The following CFAP300 variants were observed in gnomAD, a reference collection of about 807,000 sequenced individuals.
CFAP300 encodes the protein cilia and flagella associated protein 300.
CFAP300 carries 32 observed loss-of-function variants against 33.0 expected under a neutral mutation model. The ratio of observed to expected loss-of-function variants is 0.97; its 90% confidence interval spans 0.73 to 1.30. The LOEUF (loss-of-function observed/expected upper bound fraction) is 1.30. CFAP300 is among the 50% of genes most tolerant of loss of function. The pLI, the probability that CFAP300 is intolerant of heterozygous loss-of-function variation, is 0.00. For missense variants in CFAP300, 356 were observed against 318.1 expected, an observed-to-expected ratio of 1.12 and a Z score of -0.90; for synonymous variants, 102 against 106.8, an observed-to-expected ratio of 0.95 and a Z score of 0.28.
intron 3 of CFAP300, among the ~76,000 whole-genome samples, chr11:102,064,192 A>T (rs1336903939): frequency 6.6e-6 from 1 of 152,092 alleles, no homozygotes; most frequent in Non-Finnish European, 1.5e-5. Context: ...AAGTGGTTTG[A>T]ACTTAATCAT....
chr11:102,071,365 GTGT>G lies in CFAP300; in HGVS notation c.436-4497_436-4495del, dbSNP rs1246517026. Among the ~76,000 whole-genome samples, 8 of 152,118 alleles carry G rather than the reference GTGT, an allele frequency of 5.3e-5. No homozygotes were observed. In the East Asian group the frequency reaches 7.7e-4, roughly 15 times the overall value. ...GGCAACATATAGTTAGTTGGATCAT[GTGT>G]TGTTGTTGTTTTTTAATCCACTCAG... On this transcript the variant is annotated intron_variant, in intron 4 of 6. Coordinates refer to ENST00000434758, the MANE Select transcript of CFAP300 (RefSeq NM_032930.3).
intron 2 of CFAP300, among the ~76,000 whole-genome samples, chr11:102,055,436 A>G (rs1942038898): frequency 7.2e-6 from 1 of 139,052 alleles, no homozygotes; most frequent in Non-Finnish European, 1.5e-5. Context: ...AGCTCACTGC[A>G]ACCTCCACTC....
At chr11:102,067,617 A>T (rs1261257500) in intron 4 of CFAP300, among the ~76,000 whole-genome samples, 1 of 152,258 alleles carries the variant, frequency 6.6e-6, no homozygotes, top group Admixed American at 6.5e-5. Flanking sequence ...GAAAGTGCCC[A>T]TTCTACCTTC....
chr11:102,079,806 G>A (rs73593086), intron 5 of CFAP300, among the ~76,000 whole-genome samples: 1,848 of 152,306 alleles, frequency 0.012, 40 homozygotes, highest in African/African-American at 0.042. Flanking sequence ...ATGAGCAGCT[G>A]AGGTGTAACA....
intron 6 of CFAP300, among the ~76,000 whole-genome samples, chr11:102,082,364 G>C (rs528417871): frequency 1.4e-3 from 206 of 150,792 alleles, no homozygotes; most frequent in Middle Eastern, 6.8e-3. Flanking sequence ...GGGCAAAAGA[G>C]TAAGACTCCA....
chr11:102,065,508 T>C (rs1426221831), intron 3 of CFAP300, among the ~76,000 whole-genome samples: 1 of 152,082 alleles, frequency 6.6e-6, no homozygotes, highest in Non-Finnish European at 1.5e-5. Flanking sequence ...TGCTCATGCC[T>C]GCAATTCCAG....
In CFAP300 at chr11:102,081,219, C is replaced by G; in HGVS notation, c.613C>G (p.Arg205Gly). ...KLIYKDLVSV[R>G]KNPQTKKIQI... ...ACCTTTTCTTCCTTTTTTTAGTGTT[C>G]GAAAGAATCCTCAAACCAAGAAAAT... The change falls in exon 6 of 7, where the codon CGA (arginine) becomes GGA (glycine). Residue 205 changes from arginine (R) to glycine (G), a missense_variant. Transcript: ENST00000434758. 6.2e-7 allele frequency: 1 copy of G among 1,604,530 alleles called. No homozygotes were observed. Among genetic ancestry groups the G allele is most frequent in the Non-Finnish European group, 8.5e-7 (1 of 1,177,328 alleles).
chr11:102,074,396 TC>T (rs1942366568), intron 4 of CFAP300, among the ~76,000 whole-genome samples: 1 of 152,182 alleles, frequency 6.6e-6, no homozygotes. Flanking sequence ...CTTACCATTT[TC>T]CTGCATTGGG....
intron 2 of CFAP300, among the ~76,000 whole-genome samples, chr11:102,051,395 C>T (rs141124908): frequency 5.3e-5 from 8 of 152,252 alleles, no homozygotes; most frequent in South Asian, 4.1e-4. Flanking sequence ...GCCTGCGCAA[C>T]GCTTCTGCTT....
rs1941902497 is a variant in CFAP300 at position 102,047,651 on chromosome 11, C to T, written c.110+71C>T. 7 of 1,485,804 alleles carry T rather than the reference C, an allele frequency of 4.7e-6. No homozygotes were observed. The South Asian group carries it at 7.3e-5, about 16-fold the overall frequency. 92.0% of individuals were successfully genotyped at this position (1,485,804 alleles called of 1,614,324 possible). On this transcript the variant is annotated intron_variant, in intron 1 of 6. Coordinates refer to ENST00000434758, the MANE Select transcript of CFAP300 (RefSeq NM_032930.3). ...GGCTGTGGAGGCGCAGGCCGGGCGTCGAGGGGCCCGCGCGGGTCGGCGCCA... is the reference window on the plus strand; with the variant it reads ...GGCTGTGGAGGCGCAGGCCGGGCGTTGAGGGGCCCGCGCGGGTCGGCGCCA...
At chr11:102,049,257 T>G (rs778727843) in intron 2 of CFAP300, among the ~76,000 whole-genome samples, 3 of 152,208 alleles carry the variant, frequency 2.0e-5, no homozygotes, top group Non-Finnish European at 4.4e-5. Flanking sequence ...CACCCTCCCT[T>G]GGCGTCCTTT....
intron 4 of CFAP300, among the ~76,000 whole-genome samples, chr11:102,073,756 CA>C (rs1942352885): frequency 6.6e-6 from 1 of 152,058 alleles, no homozygotes; most frequent in East Asian, 1.9e-4. Context: ...GTGGCAGCAA[CA>C]GTAGGGAGAG....
chr11:102,076,288 C>T (rs1015046911), intron 5 of CFAP300, among the ~76,000 whole-genome samples: 3 of 151,854 alleles, frequency 2.0e-5, no homozygotes, highest in Non-Finnish European at 4.4e-5. Context: ...TGCTTTTTTC[C>T]TCATTCAGAC....
chr11:102,071,044 G>A (rs1298910048), intron 4 of CFAP300, among the ~76,000 whole-genome samples: 1 of 152,126 alleles, frequency 6.6e-6, no homozygotes, highest in Non-Finnish European at 1.5e-5. Flanking sequence ...TTCTGTAGAT[G>A]TCTATTTGGT....
At chr11:102,075,438 G>A (rs900231094) in intron 4 of CFAP300, among the ~76,000 whole-genome samples, 13 of 152,180 alleles carry the variant, frequency 8.5e-5, no homozygotes, top group African/African-American at 2.9e-4. Flanking sequence ...GAACAATCGT[G>A]ATCCAAAATC....
intron 2 of CFAP300, 58 bp from the exon 3 acceptor site, chr11:102,058,821 AT>A (rs1942097358): frequency 1.0e-6 from 1 of 1,003,626 alleles, no homozygotes; most frequent in Non-Finnish European, 1.5e-6. Flanking sequence ...TTTTATGTTA[AT>A]TTTTACTATC....
chr11:102,057,187 A>C (rs529863712), intron 2 of CFAP300, among the ~76,000 whole-genome samples: 1 of 151,740 alleles, frequency 6.6e-6, no homozygotes, highest in East Asian at 2.0e-4. Context: ...AAAATACAAA[A>C]AATTAGCCGG....
chr11:102,066,655 A>G lies in CFAP300; in HGVS notation c.435+4A>G, dbSNP rs1942231774. The stretch of plus-strand genomic sequence containing the variant: ...CATTTCTGATGAGTTACGAAGAGTA[A>G]GTACAGAATTTTAAAATTTCGCAGT... On this transcript the variant is annotated splice_donor_region_variant and intron_variant, in intron 4 of 6. Coordinates refer to ENST00000434758, the MANE Select transcript of CFAP300 (RefSeq NM_032930.3). 1 of 1,580,282 alleles carries G rather than the reference A, an allele frequency of 6.3e-7. No individual in the cohort carries two copies. The highest frequency in any genetic ancestry group is 1.4e-5 in the African/African-American group (1 of 72,620).
intron 4 of CFAP300, among the ~76,000 whole-genome samples, chr11:102,073,044 G>A (rs916556876): frequency 1.3e-5 from 2 of 152,088 alleles, no homozygotes; most frequent in Non-Finnish European, 2.9e-5. Flanking sequence ...CCTGTCCTTG[G>A]GCCCCTGAGC....
Sources: allele counts gnomAD v4.1 joint callset (sites outside exome capture counted in the v4.1 genomes callset), GRCh38; gene constraint gnomAD v4.1.1; transcripts MANE v1.5; gene names NCBI Gene and HGNC (gene_info 2026-07-23, HGNC 2026-07-21).